The following CEP135 variants were observed in gnomAD, a reference collection of about 807,000 sequenced individuals.
The protein encoded by CEP135 is centrosomal protein of 135 kDa.
Under a neutral mutation model 157.3 loss-of-function variants are expected in CEP135, and 142 were observed. That is an observed-to-expected ratio of 0.90 (90% CI 0.79 to 1.04). CEP135 has a LOEUF of 1.04. CEP135 is among the 50% of genes least tolerant of loss of function. The pLI, the probability that CEP135 is intolerant of heterozygous loss-of-function variation, is 0.00. For missense variants in CEP135, 1,317 were observed against 1,309.2 expected (o/e 1.01, Z -0.09); for synonymous variants, 396 against 439.8 (o/e 0.90, Z 1.25).
chr4:55,999,198 C>T (rs1730076821), intron 15 of CEP135, 104 bp from the exon 16 acceptor site: 1 of 864,142 alleles, frequency 1.2e-6, no homozygotes, highest in Admixed American at 2.9e-5. Flanking sequence ...AAATAGCAAA[C>T]TTTAAAAATA....
At chr4:55,968,453 C>G (rs1402830691) in intron 8 of CEP135, among the ~76,000 whole-genome samples, 1 of 150,908 alleles carries the variant, frequency 6.6e-6, no homozygotes, top group Non-Finnish European at 1.5e-5. Context: ...ACCACCAACA[C>G]AATCTTGAAA....
At chr4:55,996,307 A>G (rs555779461) in intron 15 of CEP135, among the ~76,000 whole-genome samples, 7 of 152,280 alleles carry the variant, frequency 4.6e-5, no homozygotes, top group South Asian at 4.1e-4. Flanking sequence ...ATGTTTGTGG[A>G]GACAGGGTCT....
At chr4:56,014,991 G>A (rs574588428) in intron 21 of CEP135, among the ~76,000 whole-genome samples, 3 of 152,082 alleles carry the variant, frequency 2.0e-5, no homozygotes, top group East Asian at 1.9e-4. Context: ...GCAGTGAGCC[G>A]AGATCATGCC....
rs1577880786 is a variant in CEP135 at position 55,978,130 on chromosome 4, A to G, written c.1474-2013A>G. On this transcript the variant is annotated intron_variant, in intron 11 of 25. Transcript: ENST00000257287. ...ACAACAGATATATTTAAAGAAGAGT[A>G]GAGTTTCTGCTTAGGGAAGTCAGTC... Among the ~76,000 whole-genome samples the G allele has an allele frequency of 2.6e-5, 4 of 152,344 alleles. 1 individual carries two copies. Among genetic ancestry groups the G allele is most frequent in the South Asian group, 4.1e-4 (2 of 4,828 alleles).
chr4:55,957,153 A>G, intron 4 of CEP135, 70 bp from the exon 5 acceptor site: 1 of 1,534,336 alleles, frequency 6.5e-7, no homozygotes, highest in South Asian at 1.2e-5. Flanking sequence ...CGAAAGGCTA[A>G]CCTGGAATAT....
intron 17 of CEP135, among the ~76,000 whole-genome samples, chr4:56,006,652 T>G (rs1179764214): frequency 2.0e-5 from 3 of 152,156 alleles, no homozygotes; most frequent in Non-Finnish European, 4.4e-5. Context: ...TCTGATACAT[T>G]TCTGAATTTT....
rs1022660609 is a variant in CEP135 at position 55,974,934 on chromosome 4, C to T, written c.1438C>T (p.Arg480Cys). Residue 480 changes from arginine to cysteine, a missense_variant, in exon 11 of 26, where the codon CGT becomes TGT. Transcript: ENST00000257287. ...ATCTTGCTCTACAAGTTATAGCGCA[C>T]GTGAAAAAAGTTCAATATTTAGAAC... ...RRSCSTSYSAREKSSIFRTPE... is the reference protein window; with the variant it reads ...RRSCSTSYSACEKSSIFRTPE... 3.0e-5 allele frequency: 48 copies of T among 1,604,644 alleles called. No individual in the cohort carries two copies. Among genetic ancestry groups the T allele is most frequent in the Non-Finnish European group, 3.7e-5 (43 of 1,174,630 alleles).
intron 14 of CEP135, among the ~76,000 whole-genome samples, chr4:55,991,403 A>G (rs898393228): frequency 6.6e-6 from 1 of 151,082 alleles, no homozygotes; most frequent in African/African-American, 2.4e-5. Context: ...TTGTATTGGA[A>G]TTCCATTGAA....
At chr4:55,957,192 C>T (rs1553888428) in intron 4 of CEP135, 31 bp from the exon 5 acceptor site, 2 of 1,606,004 alleles carry the variant, frequency 1.2e-6, no homozygotes, top group Non-Finnish European at 1.7e-6. Flanking sequence ...TTTGTTTCTT[C>T]TTAGTTTTTT....
chr4:55,961,688 C>T (rs1317753475), intron 6 of CEP135, among the ~76,000 whole-genome samples: 2 of 144,702 alleles, frequency 1.4e-5, no homozygotes, highest in Admixed American at 7.5e-5. Context: ...TGCTTGAACC[C>T]GGGAGGCAGA....
intron 6 of CEP135, among the ~76,000 whole-genome samples, chr4:55,963,671 G>A (rs995562252): frequency 2.9e-4 from 44 of 152,250 alleles, no homozygotes; most frequent in East Asian, 1.3e-3. Context: ...GCTCAAACCC[G>A]GGAGGCAGAG....
chr4:56,005,032 GTTTTA>G (rs1010083559), intron 17 of CEP135, among the ~76,000 whole-genome samples: 3 of 147,898 alleles, frequency 2.0e-5, no homozygotes, highest in Non-Finnish European at 4.5e-5. Context: ...CTGGTAGTAT[GTTTTA>G]ATTAATTGCT....
Position 55,950,423 on chromosome 4 carries a change from G to C in CEP135, c.-46+1364G>C, listed in dbSNP as rs561422560. On this transcript the variant is annotated intron_variant, in intron 1 of 25. Coordinates refer to ENST00000257287, the MANE Select transcript of CEP135 (RefSeq NM_025009.5). ...AGATGTAAAACAAAATTTTTATTTG[G>C]CTTAGAAATACGAGTACCATGACTA... Among the ~76,000 whole-genome samples, 438 of 152,210 alleles carry C rather than the reference G, an allele frequency of 2.9e-3. 3 individuals carry two copies. The highest frequency in any genetic ancestry group is 0.01 in the African/African-American group (427 of 41,526).
At chr4:56,006,798 CCT>C (rs1730362141) in intron 17 of CEP135, among the ~76,000 whole-genome samples, 1 of 152,044 alleles carries the variant, frequency 6.6e-6, no homozygotes, top group African/African-American at 2.4e-5. Context: ...TTCATGGTCC[CCT>C]GTTTGCTGTT....
In CEP135 at chr4:55,992,000, G is replaced by C; in HGVS notation, c.1924G>C (p.Glu642Gln). 1 of 1,597,460 alleles carries C rather than the reference G, an allele frequency of 6.3e-7. No individual in the cohort carries two copies. Among genetic ancestry groups the C allele is most frequent in the Non-Finnish European group, 8.6e-7 (1 of 1,167,714 alleles). The change falls in exon 15 of 26, where the codon GAG becomes CAG. Residue 642 changes from glutamate to glutamine, a missense_variant. Transcript: ENST00000257287. ...AATGAAAGAAACAATAGAGTCGTTA[G>C]AGAACAAATTAAAAGTCCAAGCTCA... The part of the protein sequence containing the change: ...LIMKETIESL[E>Q]NKLKVQAQKF...
intron 17 of CEP135, among the ~76,000 whole-genome samples, chr4:56,004,847 C>T (rs1197540262): frequency 1.3e-5 from 2 of 151,080 alleles, no homozygotes; most frequent in Non-Finnish European, 2.9e-5. Flanking sequence ...TATTTTTAAC[C>T]ATTCAGACAC....
intron 21 of CEP135, among the ~76,000 whole-genome samples, chr4:56,014,137 T>C (rs972460258): frequency 1.3e-5 from 2 of 152,202 alleles, no homozygotes; most frequent in African/African-American, 4.8e-5. Flanking sequence ...GCTTACCGAA[T>C]TGTGAGAGAA....
chr4:56,006,692 C>T (rs1463353410), intron 17 of CEP135, among the ~76,000 whole-genome samples: 1 of 152,110 alleles, frequency 6.6e-6, no homozygotes, highest in Non-Finnish European at 1.5e-5. Context: ...ACTGAATTTC[C>T]TTGATACCTC....
intron 17 of CEP135, among the ~76,000 whole-genome samples, chr4:56,003,492 G>A (rs1730250067): frequency 6.6e-6 from 1 of 152,210 alleles, no homozygotes. Context: ...AGAGGTGTGA[G>A]CCACTGTGCC....
Sources: gnomAD v4.1 joint callset for allele counts (sites outside exome capture counted in the v4.1 genomes callset) on GRCh38, gnomAD v4.1.1 for gene constraint, MANE v1.5 for transcripts, NCBI Gene and HGNC (gene_info 2026-07-23, HGNC 2026-07-21) for gene names.